The following FXN variants were observed in gnomAD, a reference collection of about 807,000 sequenced individuals.
The protein encoded by FXN is frataxin, also known as frataxin, mitochondrial.
FXN carries 14 observed loss-of-function variants against 22.4 expected under a neutral mutation model. The ratio of observed to expected loss-of-function variants is 0.62; its 90% CI spans 0.41 to 0.98. The LOEUF is 0.98. Ranked by LOEUF, FXN falls within the 50% of genes least tolerant of loss-of-function variation. The pLI is 0.00. For synonymous variants in FXN, 120 were observed against 114.1 expected (o/e 1.05, Z -0.33); for missense variants, 267 against 268.4 (o/e 0.99, Z 0.04).
At chr9:69,036,080 T>A in intron 1 of FXN, 133 bp downstream of exon 1, 3 of 777,544 alleles carry the variant, frequency 3.9e-6, no homozygotes, top group Non-Finnish European at 5.1e-6. Flanking sequence ...CCGCTCCTTC[T>A]CAGGGCGGCC....
rs35230326 is a variant in FXN at position 69,053,419 on chromosome 9, C to A, written c.384+159C>A. Among the ~76,000 whole-genome samples, 4,058 of 151,066 alleles carry A rather than the reference C, an allele frequency of 0.027. 183 individuals are homozygous for A. The highest frequency in any genetic ancestry group is 0.093 in the African/African-American group (3,808 of 41,088). On this transcript the variant is annotated intron_variant, in intron 3 of 4. Transcript: ENST00000484259. ...CCGGGAGGTGAAGGTTGCAGTGAGC[C>A]AAAATCACGCCACTGCACTCCAGCC... is the stretch of plus-strand genomic sequence containing the variant.
Position 69,064,968 on chromosome 9 carries a change from G to C in FXN, c.415G>C (p.Asp139His). ...TGTCTTAACTGTCAAACTGGGTGGA[G>C]ATCTAGGAACCTATGTGATCAACAA... is the stretch of plus-strand genomic sequence containing the variant. ...SGVLTVKLGGDLGTYVINKQT... is the reference protein window; with the variant it reads ...SGVLTVKLGGHLGTYVINKQT... Residue 139 changes from aspartate (D) to histidine (H), a missense_variant, in exon 4 of 5, where the codon GAT becomes CAT. Transcript: ENST00000484259. 1 of 1,613,942 alleles carries C rather than the reference G, an allele frequency of 6.2e-7. No individual in the cohort carries two copies. The highest frequency in any genetic ancestry group is 8.5e-7 in the Non-Finnish European group (1 of 1,179,846).
intron 1 of FXN, among the ~76,000 whole-genome samples, chr9:69,039,231 G>A (rs917740655): frequency 8.6e-5 from 13 of 152,014 alleles, no homozygotes; most frequent in African/African-American, 2.2e-4. Flanking sequence ...CTTCCAACCT[G>A]GGCGACAGAG....
Position 69,072,686 on chromosome 9 carries a change from T to C in FXN, c.557T>C (p.Leu186Pro). The C allele has an allele frequency of 6.2e-7, 1 of 1,614,204 alleles. No individual in the cohort carries two copies. Among genetic ancestry groups the C allele is most frequent in the South Asian group, 1.1e-5 (1 of 91,086 alleles). Residue 186 changes from leucine to proline, a missense_variant, in exon 5 of 5, where the codon CTG becomes CCG. Physicochemically the swap from Leu to Pro is moderately conservative, Grantham distance 98. Transcript: ENST00000484259. ...SHDGVSLHEL[L>P]AAELTKALKT... The stretch of plus-strand genomic sequence containing the variant: ...GACGGCGTGTCCCTCCATGAGCTGC[T>C]GGCCGCAGAGCTCACTAAAGCCTTA...
intron 4 of FXN, among the ~76,000 whole-genome samples, chr9:69,068,320 C>T (rs1564339308): frequency 6.6e-6 from 1 of 152,236 alleles, no homozygotes; most frequent in Non-Finnish European, 1.5e-5. Context: ...TTTCTGTTTG[C>T]ACAGCAAAAT....
intron 2 of FXN, 38 bp from the exon 3 acceptor site, chr9:69,053,102 T>G (rs1831883196): frequency 1.9e-6 from 3 of 1,608,342 alleles, no homozygotes; most frequent in Non-Finnish European, 2.5e-6. Flanking sequence ...ATGGAAGCAT[T>G]TGGTAATCAT....
intron 3 of FXN, among the ~76,000 whole-genome samples, chr9:69,057,862 T>G (rs1406546662): frequency 1.3e-5 from 2 of 152,140 alleles, no homozygotes; most frequent in African/African-American, 4.8e-5. Context: ...CTCTGTGTTA[T>G]AATTGTCTAT....
At chr9:69,063,659 A>G (rs567045572) in intron 3 of FXN, among the ~76,000 whole-genome samples, 9 of 152,046 alleles carry the variant, frequency 5.9e-5, no homozygotes, top group Non-Finnish European at 1.3e-4. Context: ...TGGAATTTCA[A>G]TAACTCTTTG....
chr9:69,077,593 T>C lies in FXN; in HGVS notation c.*4831T>C. On this transcript the variant is annotated 3_prime_UTR_variant, in exon 5 of 5. Coordinates refer to ENST00000484259, the MANE Select transcript of FXN (RefSeq NM_000144.5). ...CCTCTGCTGTCCACTTGTGTTTCTG[T>C]GATCTGTGGGAACATTGTTAACGCC... 4 of 985,480 alleles carry C rather than the reference T, an allele frequency of 4.1e-6. No individual in the cohort carries two copies. The highest frequency in any genetic ancestry group is 4.8e-6 in the Non-Finnish European group (4 of 829,964). 61.0% of individuals were successfully genotyped at this position (985,480 alleles called of 1,614,324 possible). A position where few individuals can be genotyped will look rare whatever the true frequency, so the allele number is the denominator to read the frequency against.
intron 1 of FXN, 95 bp downstream of exon 1, chr9:69,036,042 C>A (rs1013819598): frequency 3.1e-5 from 34 of 1,112,240 alleles, no homozygotes; most frequent in Non-Finnish European, 3.6e-5. Context: ...CGGGGTCGCT[C>A]CGGGTACGCG....
chr9:69,050,852 C>T (rs956177458), intron 2 of FXN, among the ~76,000 whole-genome samples: 1 of 151,340 alleles, frequency 6.6e-6, no homozygotes, highest in Non-Finnish European at 1.5e-5. Context: ...ACGTCCTCTG[C>T]TCACTGCAAC....
At chr9:69,037,231 C>G (rs1280890560) in intron 1 of FXN, among the ~76,000 whole-genome samples, 2 of 130,714 alleles carry the variant, frequency 1.5e-5, no homozygotes, top group Non-Finnish European at 3.4e-5. Flanking sequence ...CAAGACTAAC[C>G]TGGCCAACAT....
rs137999844 is a variant in FXN, at chr9:69,045,547, C to T, written c.166-838C>T. Among the ~76,000 whole-genome samples the T allele has an allele frequency of 5.9e-3, 895 of 152,192 alleles. 9 individuals carry two copies. Among genetic ancestry groups the T allele is most frequent in the Admixed American group, 0.026 (403 of 15,298 alleles). On this transcript the variant is annotated intron_variant, in intron 1 of 4. Transcript: ENST00000484259. ...GGCGGGGGTTGCAGTGAGCCGAGAT[C>T]GTGCCACTGCACTCCAGCCTGGGCG...
intron 1 of FXN, among the ~76,000 whole-genome samples, chr9:69,040,877 G>A (rs886498881): frequency 2.0e-5 from 3 of 152,038 alleles, no homozygotes; most frequent in Non-Finnish European, 2.9e-5. Context: ...ATAGCCCAAC[G>A]GAGCCCAGTG....
chr9:69,036,637 G>C (rs1392581818), intron 1 of FXN, among the ~76,000 whole-genome samples: 1 of 152,246 alleles, frequency 6.6e-6, no homozygotes, highest in East Asian at 1.9e-4. Context: ...GTAGGGAGAA[G>C]ATAAAGGTGA....
chr9:69,059,809 G>A (rs1003479335), intron 3 of FXN, among the ~76,000 whole-genome samples: 1 of 152,206 alleles, frequency 6.6e-6, no homozygotes, highest in Middle Eastern at 3.4e-3. Flanking sequence ...TAACTTTTGC[G>A]AGCTGCAGTT....
chr9:69,069,444 G>A (rs1256393316), intron 4 of FXN, among the ~76,000 whole-genome samples: 1 of 152,314 alleles, frequency 6.6e-6, no homozygotes, highest in Non-Finnish European at 1.5e-5. Flanking sequence ...TGGCCTCCTC[G>A]TGCTAAGCGG....
intron 3 of FXN, among the ~76,000 whole-genome samples, chr9:69,059,424 A>G: frequency 2.0e-5 from 1 of 48,990 alleles, no homozygotes; most frequent in Admixed American, 3.3e-4. Flanking sequence ...TTTTTGAGAG[A>G]GATCTCACTC....
intron 3 of FXN, among the ~76,000 whole-genome samples, chr9:69,055,382 G>A (rs1831938120): frequency 6.6e-6 from 1 of 152,076 alleles, no homozygotes; most frequent in Non-Finnish European, 1.5e-5. Context: ...CATGAAACCT[G>A]TTTTTATAGG....
Sources: gnomAD v4.1 joint callset for allele counts (sites outside exome capture counted in the v4.1 genomes callset) on GRCh38, gnomAD v4.1.1 for gene constraint, MANE v1.5 for transcripts, NCBI Gene and HGNC (gene_info 2026-07-23, HGNC 2026-07-21) for gene names.